BLTP2: variants seen among roughly 807,000 people sequenced by gnomAD.
BLTP2 encodes the protein bridge-like lipid transfer protein family member 2.
the BLTP2 span, chr17:28,642,994 G>T: frequency 1.3e-6 from 2 of 1,559,768 alleles, no homozygotes; most frequent in Non-Finnish European, 1.8e-6. Flanking sequence ...ATAGCTGGAA[G>T]GAAGAAGCAA....
chr17:28,616,943 G>A, the BLTP2 span: 4 of 1,614,054 alleles, frequency 2.5e-6, no homozygotes, highest in Non-Finnish European at 3.4e-6. This position sits in a 1 kb window ranked among gnomAD's most constrained non-coding sequence, Gnocchi z 4.8. Flanking sequence ...CTTTGCTGAA[G>A]AGGCGGAGAG....
At chr17:28,623,806 G>A in the BLTP2 span, 1 of 1,614,086 alleles carries the variant, frequency 6.2e-7, no homozygotes, top group Admixed American at 1.7e-5. Context: ...GCTGCTTTCA[G>A]TGGTGGCAAA....
the BLTP2 span, among the ~76,000 whole-genome samples, chr17:28,626,482 G>A: frequency 2.6e-5 from 4 of 152,128 alleles, no homozygotes; most frequent in Admixed American, 2.6e-4. Flanking sequence ...CTAGTTGCTG[G>A]CAGCCCCTAA....
chr17:28,621,659 T>C, the BLTP2 span, among the ~76,000 whole-genome samples: 2 of 152,200 alleles, frequency 1.3e-5, no homozygotes, highest in Admixed American at 1.3e-4. Flanking sequence ...GAGGACATAC[T>C]TGTCTCATTC....
At chr17:28,637,780 T>G in the BLTP2 span, 1 of 1,555,472 alleles carries the variant, frequency 6.4e-7, no homozygotes, top group Non-Finnish European at 8.7e-7. Flanking sequence ...GAAGTGATTC[T>G]CCTGCCTCAG....
chr17:28,635,395 A>C, the BLTP2 span: 1 of 1,614,212 alleles, frequency 6.2e-7, no homozygotes, highest in Non-Finnish European at 8.5e-7. Context: ...CTCCAGGGTT[A>C]GGTTTAGCAG....
chr17:28,629,003 G>T, the BLTP2 span, among the ~76,000 whole-genome samples: 1 of 151,378 alleles, frequency 6.6e-6, no homozygotes, highest in Non-Finnish European at 1.5e-5. Flanking sequence ...AAGTGGTCTT[G>T]GCTTTTATAT....
the BLTP2 span, chr17:28,619,756 T>C: frequency 5.6e-6 from 9 of 1,614,026 alleles, no homozygotes; most frequent in Non-Finnish European, 7.6e-6. Flanking sequence ...ATTCTCATTC[T>C]TGCTGTCATC....
chr17:28,617,368 G>A, the BLTP2 span: 26 of 1,383,086 alleles, frequency 1.9e-5, no homozygotes, highest in Non-Finnish European at 2.7e-5. Context: ...TTTCTCAGAA[G>A]TCTACTAGAC....
the BLTP2 span, chr17:28,614,947 C>T: frequency 1.1e-6 from 1 of 928,868 alleles, no homozygotes; most frequent in Non-Finnish European, 1.7e-6. Context: ...AGAGTGATGC[C>T]TATGGGCTCT....
At chr17:28,628,126 TG>T in the BLTP2 span, 1 of 708,052 alleles carries the variant, frequency 1.4e-6, no homozygotes, top group Non-Finnish European at 2.4e-6. Context: ...AAGACTTAGG[TG>T]GCCTAAGAAG....
the BLTP2 span, among the ~76,000 whole-genome samples, chr17:28,628,941 A>C: frequency 1.3e-5 from 2 of 152,140 alleles, no homozygotes; most frequent in Admixed American, 6.5e-5. Context: ...CTCAAAAAAA[A>C]AAAAAAATTC....
the BLTP2 span, among the ~76,000 whole-genome samples, chr17:28,629,684 G>A: frequency 6.6e-6 from 1 of 152,132 alleles, no homozygotes. Context: ...TCACCATATT[G>A]GCCAGGCTGG....
At chr17:28,623,960 G>C in the BLTP2 span, 1 of 1,613,472 alleles carries the variant, frequency 6.2e-7, no homozygotes. Context: ...GCTCCACGAA[G>C]AACCATCTAT....
chr17:28,644,388 AGAT>A, the BLTP2 span, among the ~76,000 whole-genome samples: 1 of 152,198 alleles, frequency 6.6e-6, no homozygotes, highest in African/African-American at 2.4e-5. Context: ...CCCTCCACCC[AGAT>A]GAAACCAGAA....
At chr17:28,643,793 T>C in the BLTP2 span, 1 of 947,492 alleles carries the variant, frequency 1.1e-6, no homozygotes, top group African/African-American at 1.6e-5. Context: ...CATCTTAAAT[T>C]AGAACAGTAA....
At chr17:28,620,756 G>T in the BLTP2 span, 1 of 1,102,502 alleles carries the variant, frequency 9.1e-7, no homozygotes, top group Non-Finnish European at 1.3e-6. Flanking sequence ...GTTGCTCATG[G>T]GCAGAAACAT....
the BLTP2 span, chr17:28,614,952 G>A: frequency 1.0e-6 from 1 of 979,244 alleles, no homozygotes; most frequent in East Asian, 2.4e-5. Context: ...GATGCCTATG[G>A]GCTCTGACAC....
the BLTP2 span, among the ~76,000 whole-genome samples, chr17:28,625,114 G>T: frequency 1.3e-5 from 2 of 152,064 alleles, no homozygotes; most frequent in Non-Finnish European, 2.9e-5. Flanking sequence ...GAAGTGGGCA[G>T]ATCACGAGGT....
Sources: allele counts gnomAD v4.1 joint callset (sites outside exome capture counted in the v4.1 genomes callset), GRCh38; gene constraint gnomAD v4.1.1; non-coding constraint Gnocchi (gnomAD v3.1); transcripts MANE v1.5; gene names NCBI Gene and HGNC (gene_info 2026-07-23, HGNC 2026-07-21).